The following ADCY8 variants were observed in gnomAD, a reference collection of about 807,000 sequenced individuals.
ADCY8 encodes adenylate cyclase 8.
Under a neutral mutation model 119.7 loss-of-function variants are expected in ADCY8, and 51 were observed. The observed-to-expected ratio is 0.43, with a 90% CI of 0.34 to 0.54. ADCY8 has a LOEUF of 0.54. Ranked by LOEUF, ADCY8 falls within the 20% of genes least tolerant of loss-of-function variation. The pLI, the probability that ADCY8 is intolerant of heterozygous loss-of-function variation, is 0.03. For missense variants in ADCY8, 1,383 were observed against 1,598.8 expected (o/e 0.87, Z 2.30); for synonymous variants, 665 against 651.0 (o/e 1.02, Z -0.33).
chr8:130,810,661 A>C (rs1268189744), intron 14 of ADCY8, among the ~76,000 whole-genome samples: 1 of 152,238 alleles, frequency 6.6e-6, no homozygotes, highest in African/African-American at 2.4e-5. Flanking sequence ...GTTTTATCCT[A>C]ATGTGAAAAT....
At chr8:130,870,797 C>A (rs1249711438) in intron 8 of ADCY8, among the ~76,000 whole-genome samples, 2 of 152,094 alleles carry the variant, frequency 1.3e-5, no homozygotes, top group South Asian at 4.2e-4. Context: ...CTTCAGATGG[C>A]AAATTGGGTG....
chr8:131,040,027 T>C lies in ADCY8; in HGVS notation c.307A>G (p.Thr103Ala), dbSNP rs1456625838. The change falls in exon 1 of 18, where the codon ACC becomes GCC. Residue 103 changes from threonine to alanine, a missense_variant. By Grantham distance (58) the Thr-to-Ala change is moderately conservative. Around this residue, in one of 2 missense-constraint regions of ADCY8, gnomAD observed 455 missense variants for 435.3 expected, o/e 1.05. Coordinates refer to ENST00000286355, the MANE Select transcript of ADCY8 (RefSeq NM_001115.3). ...TCCGGGAAGACTTTGGTGCCGCAGGTGCTGTGCGCTCGCTCTCCCGGGCCC... is the reference window on the plus strand; with the variant it reads ...TCCGGGAAGACTTTGGTGCCGCAGGCGCTGTGCGCTCGCTCTCCCGGGCCC... Reference protein sequence around the residue: ...SLGPGERAHSTCGTKVFPERS... With the variant: ...SLGPGERAHSACGTKVFPERS... 8.4e-6 allele frequency: 13 copies of C among 1,553,086 alleles called. No individual in the cohort carries two copies. The East Asian group carries it at 3.1e-4, about 37-fold the overall frequency.
At chr8:130,923,689 C>T (rs1820381111) in intron 5 of ADCY8, among the ~76,000 whole-genome samples, 1 of 152,174 alleles carries the variant, frequency 6.6e-6, no homozygotes, top group African/African-American at 2.4e-5. Context: ...GAGAAGCCAC[C>T]TGGAGCCACT....
intron 6 of ADCY8, among the ~76,000 whole-genome samples, chr8:130,907,797 G>A (rs1819838066): frequency 6.6e-6 from 1 of 152,112 alleles, no homozygotes; most frequent in African/African-American, 2.4e-5. Flanking sequence ...TTGTTACAAA[G>A]CATATTGTAT....
At chr8:130,852,594 C>G (rs1230269060) in intron 9 of ADCY8, among the ~76,000 whole-genome samples, 1 of 152,168 alleles carries the variant, frequency 6.6e-6, no homozygotes, top group Non-Finnish European at 1.5e-5. Flanking sequence ...AAGTGTGAGA[C>G]AGAAGCAAAC....
intron 2 of ADCY8, among the ~76,000 whole-genome samples, chr8:130,983,857 C>T (rs901473490): frequency 1.3e-5 from 2 of 152,156 alleles, no homozygotes; most frequent in African/African-American, 4.8e-5. Flanking sequence ...CAGGAATCGA[C>T]CAAATCAAAT....
Position 130,943,353 on chromosome 8 carries a change from G to T in ADCY8, c.1351C>A (p.His451Asn). 6.2e-7 allele frequency: 1 copy of T among 1,610,422 alleles called. No individual in the cohort carries two copies. ...ELFARFDRLA[H>N]EHHCLRIKIL... ...GGAGGAAATTAAATTCAACTCACATGGGCCAGTCGATCAAATCTGGCAAAG... is the reference window on the plus strand; with the variant it reads ...GGAGGAAATTAAATTCAACTCACATTGGCCAGTCGATCAAATCTGGCAAAG... Residue 451 changes from histidine to asparagine, a missense_variant and splice_region_variant, in exon 4 of 18, where the codon CAT becomes AAT. Around this residue, in one of 2 missense-constraint regions of ADCY8, gnomAD observed 928 missense variants for 1,163.5 expected, o/e 0.80. Transcript: ENST00000286355.
chr8:130,815,289 A>G (rs900144185), intron 13 of ADCY8, among the ~76,000 whole-genome samples: 9 of 152,224 alleles, frequency 5.9e-5, no homozygotes, highest in African/African-American at 2.2e-4. Context: ...CACTCAGTCT[A>G]TGGCATATTG....
At chr8:130,821,063 G>A (rs529349056) in intron 13 of ADCY8, among the ~76,000 whole-genome samples, 9 of 152,234 alleles carry the variant, frequency 5.9e-5, no homozygotes, top group African/African-American at 1.9e-4. Context: ...AACAGAATTG[G>A]GAGGGATCCC....
chr8:130,904,080 T>A (rs1819700048), intron 6 of ADCY8, 38 bp from the exon 7 acceptor site: 3 of 1,571,860 alleles, frequency 1.9e-6, no homozygotes, highest in Admixed American at 1.8e-5. Flanking sequence ...ACACTCCTGA[T>A]GTTGCCTGCA....
At chr8:130,857,376 C>T (rs1390532404) in intron 9 of ADCY8, among the ~76,000 whole-genome samples, 2 of 152,102 alleles carry the variant, frequency 1.3e-5, no homozygotes, top group East Asian at 3.8e-4. Flanking sequence ...ATAGACACTA[C>T]AGTTTAGTCT....
At position 130,914,628 on chromosome 8, in the gene ADCY8, C is replaced by T. The variant is rs144740551; in HGVS notation, c.1482-4762G>A. Among the ~76,000 whole-genome samples, 3 of 152,288 alleles carry T rather than the reference C, an allele frequency of 2.0e-5. No homozygotes were observed. In the East Asian group the frequency reaches 5.8e-4, roughly 29 times the overall value. Reference sequence around the variant, plus strand: ...AACCACAAACACACACAATGTATTTCAAGATCAGTTCTTGAGGGGAGGACC... The same window carrying T: ...AACCACAAACACACACAATGTATTTTAAGATCAGTTCTTGAGGGGAGGACC... On this transcript the variant is annotated intron_variant, in intron 5 of 17. Coordinates refer to ENST00000286355, the MANE Select transcript of ADCY8 (RefSeq NM_001115.3).
chr8:130,977,686 T>G (rs1822113338), intron 2 of ADCY8, among the ~76,000 whole-genome samples: 2 of 152,224 alleles, frequency 1.3e-5, no homozygotes, highest in Non-Finnish European at 2.9e-5. Context: ...GATAGGGATA[T>G]TTATTACCAC....
intron 8 of ADCY8, among the ~76,000 whole-genome samples, chr8:130,882,287 G>T (rs1818805921): frequency 6.6e-6 from 1 of 152,048 alleles, no homozygotes; most frequent in Admixed American, 6.6e-5. Context: ...ATAGTAAACT[G>T]ATGTATCTAA....
chr8:130,845,736 C>G (rs1817276412), intron 11 of ADCY8, among the ~76,000 whole-genome samples: 1 of 152,104 alleles, frequency 6.6e-6, no homozygotes, highest in Non-Finnish European at 1.5e-5. Context: ...CTGTCCTGCA[C>G]ATCCATTAGT....
chr8:130,784,282 A>G (rs566333636), intron 16 of ADCY8, among the ~76,000 whole-genome samples: 3 of 151,864 alleles, frequency 2.0e-5, no homozygotes, highest in Non-Finnish European at 2.9e-5. Flanking sequence ...AACTGTGTCT[A>G]TTTCCTTTGA....
At chr8:130,879,170 T>G (rs1818672778) in intron 8 of ADCY8, among the ~76,000 whole-genome samples, 1 of 152,094 alleles carries the variant, frequency 6.6e-6, no homozygotes, top group East Asian at 1.9e-4. Flanking sequence ...AGAAGAGAAG[T>G]GAGGACCAGA....
chr8:130,918,526 T>C (rs1820199253), intron 5 of ADCY8, among the ~76,000 whole-genome samples: 1 of 152,214 alleles, frequency 6.6e-6, no homozygotes, highest in South Asian at 2.1e-4. Context: ...AAAAACTATA[T>C]TATGAAATAT....
chr8:131,018,053 T>C (rs928838946), intron 1 of ADCY8, among the ~76,000 whole-genome samples: 1 of 152,196 alleles, frequency 6.6e-6, no homozygotes, highest in Non-Finnish European at 1.5e-5. Flanking sequence ...ATGTTACGGG[T>C]AATTGAGGGA....
Sources: gnomAD v4.1 joint callset for allele counts (sites outside exome capture counted in the v4.1 genomes callset) on GRCh38, gnomAD v4.1.1 for gene constraint, gnomAD v4.1.1 regional missense constraint, MANE v1.5 for transcripts, NCBI Gene and HGNC (gene_info 2026-07-23, HGNC 2026-07-21) for gene names.